MITF: variants seen among roughly 807,000 people sequenced by gnomAD.
The protein encoded by MITF is melanocyte inducing transcription factor.
Under a neutral mutation model 60.5 loss-of-function variants are expected in MITF, and 17 were observed. The observed-to-expected ratio is 0.28, with a 90% CI of 0.19 to 0.42. The LOEUF (loss-of-function observed/expected upper bound fraction) is 0.42, where lower values mean the gene tolerates loss of function less well. Ranked by LOEUF, MITF falls within the 10% of genes least tolerant of loss-of-function variation. The pLI is 1.00. For synonymous variants in MITF, 260 were observed against 248.5 expected (o/e 1.05, Z -0.43); for missense variants, 622 against 683.5 (o/e 0.91, Z 1.00).
chr3:69,921,504 T>G (rs1192245651), intron 2 of MITF, among the ~76,000 whole-genome samples: 3 of 152,220 alleles, frequency 2.0e-5, no homozygotes, highest in African/African-American at 7.2e-5. Context: ...GTTCTTGATT[T>G]ATAGCATAGC....
At chr3:69,883,168 T>C (rs2064527729) in intron 2 of MITF, among the ~76,000 whole-genome samples, 2 of 152,222 alleles carry the variant, frequency 1.3e-5, no homozygotes, top group African/African-American at 4.8e-5. Flanking sequence ...TTAACTACTT[T>C]GAAGGAATTT....
intron 6 of MITF, among the ~76,000 whole-genome samples, chr3:69,951,167 G>A (rs1029480314): frequency 6.8e-6 from 1 of 146,034 alleles, no homozygotes; most frequent in Non-Finnish European, 1.5e-5. Context: ...GTGTGATCAC[G>A]GCTCACTACA....
intron 1 of MITF, among the ~76,000 whole-genome samples, chr3:69,867,955 G>A (rs1023157300): frequency 7.2e-5 from 11 of 152,096 alleles, no homozygotes; most frequent in Non-Finnish European, 1.0e-4. Context: ...TTTTCTGTGC[G>A]TATTCTTTTA....
Position 69,951,813 on chromosome 3 carries a change from G to A in MITF, c.882G>A (p.Ala294=), listed in dbSNP as rs778126895. 74 of 1,612,456 alleles carry A rather than the reference G, an allele frequency of 4.6e-5. No individual in the cohort carries two copies. The East Asian group carries it at 5.6e-4, about 12-fold the overall frequency. Residue 294 remains alanine (A), a splice_region_variant and synonymous_variant, in exon 7 of 10, where the codon GCG becomes GCA. Coordinates refer to ENST00000352241, the MANE Select transcript of MITF (RefSeq NM_001354604.2). ...TAATGACTTCATTCACGTGCACAGC[G>A]TGTATTTTTCCCACAGAGTCTGAAG... ...NLPNIKRELT[A]CIFPTESEAR...
chr3:69,898,417 A>G (rs2064925659), intron 2 of MITF, among the ~76,000 whole-genome samples: 1 of 152,244 alleles, frequency 6.6e-6, no homozygotes, highest in Admixed American at 6.5e-5. Context: ...TGATCAAGAT[A>G]GTGAAGTCAG....
chr3:69,962,328 T>C (rs191648438), intron 9 of MITF, among the ~76,000 whole-genome samples: 1 of 152,324 alleles, frequency 6.6e-6, no homozygotes, highest in East Asian at 1.9e-4. Flanking sequence ...AACTGCCATT[T>C]TATTAAATAG....
At chr3:69,808,128 TA>T (rs1428788075) in intron 1 of MITF, among the ~76,000 whole-genome samples, 3 of 141,234 alleles carry the variant, frequency 2.1e-5, no homozygotes, top group East Asian at 3.9e-4. Context: ...ATATATAATA[TA>T]AAAATATATA....
At chr3:69,765,157 A>C (rs2062270567) in intron 1 of MITF, among the ~76,000 whole-genome samples, 1 of 152,158 alleles carries the variant, frequency 6.6e-6, no homozygotes, top group Non-Finnish European at 1.5e-5. Context: ...ATTTTTGCTT[A>C]TTTTGTGTAT....
intron 1 of MITF, among the ~76,000 whole-genome samples, chr3:69,776,985 T>A (rs1835419): frequency 6.6e-6 from 1 of 152,214 alleles, no homozygotes. Context: ...AGAGTAATGT[T>A]ACTGTTGGTG....
intron 1 of MITF, among the ~76,000 whole-genome samples, chr3:69,839,672 G>T (rs888440912): frequency 6.6e-6 from 1 of 151,620 alleles, no homozygotes; most frequent in Non-Finnish European, 1.5e-5. Context: ...CTGAATGGTA[G>T]TTATATCTAT....
rs56279431 is a variant in MITF, at chr3:69,814,544, G to C, written c.105-64590G>C. 4.3e-3 allele frequency among the ~76,000 whole-genome samples: 654 copies of C among 152,134 alleles called. 1 individual carries two copies. Among genetic ancestry groups the C allele is most frequent in the Middle Eastern group, 0.024 (7 of 294 alleles). On this transcript the variant is annotated intron_variant, in intron 1 of 9. Coordinates refer to ENST00000352241, the MANE Select transcript of MITF (RefSeq NM_001354604.2). ...GAGTCTCCCTGTGTTGCCCAGGCTG[G>C]TCTCAAACTCCTGGGCTCAAGCAAT...
chr3:69,858,284 A>G (rs2063954201), intron 1 of MITF, among the ~76,000 whole-genome samples: 1 of 152,172 alleles, frequency 6.6e-6, no homozygotes, highest in Non-Finnish European at 1.5e-5. Context: ...AGAGTTTATT[A>G]TGATTAATCA....
At chr3:69,789,891 G>C (rs2062711939) in intron 1 of MITF, among the ~76,000 whole-genome samples, 1 of 151,952 alleles carries the variant, frequency 6.6e-6, no homozygotes, top group African/African-American at 2.4e-5. Context: ...ATGTGATCCA[G>C]TAATCCCAGT....
In MITF at chr3:69,879,294, A is replaced by G. The variant is rs2107277661; in HGVS notation, c.265A>G (p.Arg89Gly). ...GCAGGCGGCCCAGTTCATGCAACAG[A>G]GAGTGCCCGTGAGTCAGACACCAGC... is the stretch of plus-strand genomic sequence containing the variant. ...KLQAAQFMQQRVPVSQTPAIN... is the reference protein window; with the variant it reads ...KLQAAQFMQQGVPVSQTPAIN... Residue 89 changes from arginine (R) to glycine (G), a missense_variant, in exon 2 of 10, where the codon AGA becomes GGA. Coordinates refer to ENST00000352241, the MANE Select transcript of MITF (RefSeq NM_001354604.2). 1 of 1,614,226 alleles carries G rather than the reference A, an allele frequency of 6.2e-7. No individual in the cohort carries two copies. Among genetic ancestry groups the G allele is most frequent in the South Asian group, 1.1e-5 (1 of 91,088 alleles).
intron 1 of MITF, among the ~76,000 whole-genome samples, chr3:69,843,868 T>C (rs1364687309): frequency 1.3e-5 from 2 of 152,120 alleles, no homozygotes; most frequent in Non-Finnish European, 2.9e-5. Flanking sequence ...ACATTAGGTA[T>C]TTCTCCTAAT....
intron 2 of MITF, among the ~76,000 whole-genome samples, chr3:69,894,555 G>A (rs111758026): frequency 3.9e-4 from 59 of 151,638 alleles, no homozygotes; most frequent in Admixed American, 6.6e-4. Flanking sequence ...GCTTGGTGGC[G>A]GGCACCTGTA....
chr3:69,800,014 A>C (rs1337380423), intron 1 of MITF, among the ~76,000 whole-genome samples: 1 of 152,188 alleles, frequency 6.6e-6, no homozygotes, highest in Non-Finnish European at 1.5e-5. Flanking sequence ...AGTAGTTTTA[A>C]ATATATTCAC....
chr3:69,874,485 TTCTA>T (rs1337488631), intron 1 of MITF, among the ~76,000 whole-genome samples: 1 of 152,246 alleles, frequency 6.6e-6, no homozygotes, highest in Non-Finnish European at 1.5e-5. Flanking sequence ...TGCTAAGTTT[TTCTA>T]TCTATTAAAA....
chr3:69,951,520 C>G (rs1336379004), intron 6 of MITF, among the ~76,000 whole-genome samples: 1 of 151,946 alleles, frequency 6.6e-6, no homozygotes, highest in Non-Finnish European at 1.5e-5. Context: ...TTATCGATTT[C>G]TTTCTTGCTA....
Sources: gnomAD v4.1 joint callset for allele counts (sites outside exome capture counted in the v4.1 genomes callset) on GRCh38, gnomAD v4.1.1 for gene constraint, MANE v1.5 for transcripts, NCBI Gene and HGNC (gene_info 2026-07-23, HGNC 2026-07-21) for gene names.